The following NF1 variants were observed in gnomAD, a reference collection of about 807,000 sequenced individuals.
NF1 encodes the protein neurofibromin 1.
Under a neutral mutation model 325.7 loss-of-function variants are expected in NF1, and 122 were observed. That is an observed-to-expected ratio of 0.37 (90% CI 0.32 to 0.44). The LOEUF (loss-of-function observed/expected upper bound fraction) is 0.44, where lower values mean the gene tolerates loss of function less well. Ranked by LOEUF, NF1 falls within the 20% of genes least tolerant of loss-of-function variation. NF1 has a pLI of 1.00. For synonymous variants in NF1, 1,091 were observed against 1,186.0 expected, an observed-to-expected ratio of 0.92 and a Z score of 1.65; for missense variants, 2,140 against 3,415.4, an observed-to-expected ratio of 0.63 and a Z score of 9.31.
chr17:31,364,734 C>T (rs1284092286), intron 57 of NF1, among the ~76,000 whole-genome samples: 1 of 152,066 alleles, frequency 6.6e-6, no homozygotes, highest in Non-Finnish European at 1.5e-5. Flanking sequence ...CTTCTGAATC[C>T]CTCCCTAGTA....
chr17:31,154,828 C>T (rs1459192611), intron 1 of NF1, among the ~76,000 whole-genome samples: 4 of 150,420 alleles, frequency 2.7e-5, no homozygotes, highest in Non-Finnish European at 5.9e-5. Context: ...CAATCTCTGC[C>T]TCCTGGGTTC....
intron 3 of NF1, 126 bp downstream of exon 3, chr17:31,159,219 T>C: frequency 2.8e-6 from 2 of 702,598 alleles, no homozygotes; most frequent in South Asian, 1.6e-5. Context: ...CATATAAATA[T>C]GAGTTTTGTT....
At chr17:31,333,294 A>T (rs935042583) in intron 39 of NF1, among the ~76,000 whole-genome samples, 5 of 152,222 alleles carry the variant, frequency 3.3e-5, no homozygotes, top group Admixed American at 6.5e-5. Flanking sequence ...CATTTATCCT[A>T]AAGAATTAAT....
Position 31,377,246 on chromosome 17 carries a change from A to G in NF1, c.*3091A>G, listed in dbSNP as rs570154156. 8.6e-6 allele frequency: 2 copies of G among 233,352 alleles called. No individual in the cohort carries two copies. Among genetic ancestry groups the G allele is most frequent in the African/African-American group, 4.4e-5 (2 of 45,298 alleles). The allele number at this position is 233,352 out of a possible 1,614,324, so 14.5% of individuals were successfully genotyped here. On this transcript the variant is annotated 3_prime_UTR_variant, in exon 58 of 58. Transcript: ENST00000358273. The stretch of plus-strand genomic sequence containing the variant: ...ATTTGACAAAAAAAGTATATTTACT[A>G]TACTGTAAATATATGTGATGATATA...
In NF1 at chr17:31,113,411, CA is replaced by C. The variant is rs528837341; in HGVS notation, c.60+18043del. The stretch of plus-strand genomic sequence containing the variant: ...CAGGTACATGCCACCACGCTCGGCT[CA>C]TTTTCTTATTTTATAGAGACAGGAT... On this transcript the variant is annotated intron_variant, in intron 1 of 57. Coordinates refer to ENST00000358273, the MANE Select transcript of NF1 (RefSeq NM_001042492.3). Among the ~76,000 whole-genome samples the C allele has an allele frequency of 1.1e-4, 16 of 152,154 alleles. No individual in the cohort carries two copies. The East Asian group carries it at 2.5e-3, about 24-fold the overall frequency.
intron 36 of NF1, chr17:31,320,357 A>G (rs1172498893): frequency 1.2e-5 from 18 of 1,553,932 alleles, no homozygotes; most frequent in Non-Finnish European, 1.6e-5. Context: ...AAAAAAAAAA[A>G]AAGGCAGATT....
At chr17:31,329,373 C>T (rs1447693411) in intron 38 of NF1, among the ~76,000 whole-genome samples, 1 of 152,162 alleles carries the variant, frequency 6.6e-6, no homozygotes, top group African/African-American at 2.4e-5. Context: ...ACAGCTTCTG[C>T]TTTTTGCTGA....
chr17:31,337,951 C>T (rs2069721618), intron 44 of NF1, 71 bp downstream of exon 44: 1 of 1,530,156 alleles, frequency 6.5e-7, no homozygotes, highest in Non-Finnish European at 9.0e-7. Flanking sequence ...ACTGTATGAT[C>T]AATGTTATAA....
chr17:31,241,223 C>G (rs1257187591), intron 29 of NF1, among the ~76,000 whole-genome samples: 1 of 152,040 alleles, frequency 6.6e-6, no homozygotes, highest in Non-Finnish European at 1.5e-5. Context: ...TGTGTTTTTC[C>G]TTATAGATGA....
intron 1 of NF1, among the ~76,000 whole-genome samples, chr17:31,121,720 T>A (rs1343538145): frequency 3.3e-5 from 5 of 152,194 alleles, no homozygotes; most frequent in Non-Finnish European, 5.9e-5. Flanking sequence ...ATGTGATGGA[T>A]TACATTTATT....
chr17:31,218,617 G>T (rs747353088), intron 13 of NF1, among the ~76,000 whole-genome samples: 35 of 151,118 alleles, frequency 2.3e-4, no homozygotes, highest in Admixed American at 7.9e-4. Flanking sequence ...TGCCACCCAG[G>T]CTGGAGTGCA....
intron 1 of NF1, among the ~76,000 whole-genome samples, chr17:31,120,238 T>C (rs1914315116): frequency 6.6e-6 from 1 of 152,238 alleles, no homozygotes; most frequent in Non-Finnish European, 1.5e-5. Flanking sequence ...TTCCTATTCA[T>C]GAGCATGGAA....
At chr17:31,325,272 A>T (rs561258902) in intron 36 of NF1, among the ~76,000 whole-genome samples, 7 of 152,308 alleles carry the variant, frequency 4.6e-5, no homozygotes, top group Admixed American at 4.6e-4. Context: ...ATCCCAAAAT[A>T]TGAGCTAGCA....
chr17:31,253,225 G>T, intron 31 of NF1: 1 of 495,648 alleles, frequency 2.0e-6, no homozygotes, highest in South Asian at 2.5e-5. Context: ...GCAATTTGTG[G>T]GCATTTGTTG....
At chr17:31,350,796 C>G (rs1433594899) in intron 50 of NF1, among the ~76,000 whole-genome samples, 3 of 152,072 alleles carry the variant, frequency 2.0e-5, no homozygotes, top group Non-Finnish European at 4.4e-5. Flanking sequence ...ATCTGCTATA[C>G]ATGGGTTTGG....
At chr17:31,320,563 G>A (rs2069159673) in intron 36 of NF1, 1 of 705,722 alleles carries the variant, frequency 1.4e-6, no homozygotes, top group African/African-American at 1.8e-5. Context: ...GTTGAGTTAT[G>A]CAAACAAAAG....
intron 8 of NF1, among the ~76,000 whole-genome samples, chr17:31,186,197 C>A (rs948304962): frequency 2.0e-5 from 3 of 152,082 alleles, no homozygotes; most frequent in African/African-American, 7.2e-5. Context: ...GCTCAAATGC[C>A]CATGGTCTCC....
intron 14 of NF1, among the ~76,000 whole-genome samples, chr17:31,220,744 T>C (rs1465854650): frequency 2.0e-5 from 3 of 152,134 alleles, no homozygotes; most frequent in Non-Finnish European, 4.4e-5. Context: ...AATTAAAGCC[T>C]GGAAAAGGCT....
intron 39 of NF1, 41 bp downstream of exon 39, chr17:31,330,539 A>G: frequency 1.4e-6 from 2 of 1,404,506 alleles, no homozygotes; most frequent in Non-Finnish European, 2.0e-6. Flanking sequence ...CAATTATTCT[A>G]AGAGAATTCA....
Sources: allele counts gnomAD v4.1 joint callset (sites outside exome capture counted in the v4.1 genomes callset), GRCh38; gene constraint gnomAD v4.1.1; transcripts MANE v1.5; gene names NCBI Gene and HGNC (gene_info 2026-07-23, HGNC 2026-07-21).